The following IGLON5 variants were observed in gnomAD, a reference collection of about 807,000 sequenced individuals.
IGLON5 encodes the protein IgLON family member 5.
In IGLON5, 16 loss-of-function variants were observed where a neutral mutation model predicts 38.2. The observed-to-expected ratio is 0.42, with a 90% CI of 0.28 to 0.64. IGLON5 has a LOEUF of 0.64. IGLON5 is among the 30% of genes least tolerant of loss of function. The pLI is 0.23. For synonymous variants in IGLON5, 207 were observed against 216.4 expected, an observed-to-expected ratio of 0.96 and a Z score of 0.38; for missense variants, 366 against 483.4, an observed-to-expected ratio of 0.76 and a Z score of 2.28.
At chr19:51,319,738 G>T (rs902726783) in intron 1 of IGLON5, among the ~76,000 whole-genome samples, 1 of 152,160 alleles carries the variant, frequency 6.6e-6, no homozygotes, top group Non-Finnish European at 1.5e-5. Context: ...CTTTCCAGCT[G>T]ACCTGCTGCT....
chr19:51,328,518 A>G (rs1599829207), intron 7 of IGLON5, among the ~76,000 whole-genome samples, 153 bp from the exon 8 acceptor site: 3 of 151,744 alleles, frequency 2.0e-5, no homozygotes, highest in Middle Eastern at 3.4e-3. Context: ...AAAAAAAAAA[A>G]AAAAGAAACA....
Position 51,311,943 on chromosome 19 carries a change from G to A in IGLON5, c.79+17G>A. 2 of 1,298,570 alleles carry A rather than the reference G, an allele frequency of 1.5e-6. No individual in the cohort carries two copies. The highest frequency in any genetic ancestry group is 2.0e-6 in the Non-Finnish European group (2 of 1,020,832). 80.4% of individuals were successfully genotyped at this position (1,298,570 alleles called of 1,614,324 possible). ...TCAGCCGAGGTACCGCAGCGCCGGG[G>A]GCGGGGGGCTCGGCCGGGACGCCAG... On this transcript the variant is annotated intron_variant, in intron 1 of 7. Coordinates refer to ENST00000270642, the MANE Select transcript of IGLON5 (RefSeq NM_001101372.3).
chr19:51,322,047 AC>A lies in IGLON5; in HGVS notation c.80-12del. The A allele has an allele frequency of 6.2e-7, 1 of 1,611,386 alleles. No individual in the cohort carries two copies. On this transcript the variant is annotated splice_polypyrimidine_tract_variant and intron_variant, in intron 1 of 7. Coordinates refer to ENST00000270642, the MANE Select transcript of IGLON5 (RefSeq NM_001101372.3). Reference sequence around the variant, plus strand: ...TTGCCTGAGCTGCCAAGGCTGAGCCACCCCCACCTTCCACAGGGCTGCTCTC... The same window carrying A: ...TTGCCTGAGCTGCCAAGGCTGAGCCACCCCACCTTCCACAGGGCTGCTCTC...
Position 51,327,847 on chromosome 19 carries a change from A to C in IGLON5, c.883A>C (p.Asn295His). The C allele has an allele frequency of 6.5e-7, 1 of 1,545,460 alleles. No individual in the cohort carries two copies. ...HYGNYTCRAA[N>H]RLGASSASMR... is the part of the protein sequence containing the mutation. The stretch of plus-strand genomic sequence containing the variant: ...CGGCAACTATACGTGTCGCGCCGCC[A>C]ACCGACTGGGAGCGTCCAGCGCCTC... Residue 295 changes from asparagine to histidine, a missense_variant, in exon 7 of 8, where the codon AAC becomes CAC. Physicochemically the swap from Asn to His is moderately conservative, Grantham distance 68. Transcript: ENST00000270642. The surrounding 1 kb of genome is among the most constrained non-coding windows in gnomAD (Gnocchi z 7.1).
In IGLON5 at chr19:51,325,870, C is replaced by T. The variant is rs1327893755; in HGVS notation, c.511+405C>T. On this transcript the variant is annotated intron_variant, in intron 4 of 7. Coordinates refer to ENST00000270642, the MANE Select transcript of IGLON5 (RefSeq NM_001101372.3). This position sits in a 1 kb window ranked among gnomAD's most constrained non-coding sequence, Gnocchi z 5.5. The stretch of plus-strand genomic sequence containing the variant: ...CTCTCTTCTGCTGGACGCTCTAGCC[C>T]AGCGGGCCTCATGGTGTGGGCCCCA... Among the ~76,000 whole-genome samples, 3 of 152,122 alleles carry T rather than the reference C, an allele frequency of 2.0e-5. No individual in the cohort carries two copies. The highest frequency in any genetic ancestry group is 7.2e-5 in the African/African-American group (3 of 41,410).
At position 51,328,861 on chromosome 19, in the gene IGLON5, T is replaced by C; in HGVS notation, c.*102T>C. 1.5e-6 allele frequency: 1 copy of C among 688,668 alleles called. No individual in the cohort carries two copies. Among genetic ancestry groups the C allele is most frequent in the Non-Finnish European group, 2.3e-6 (1 of 425,982 alleles). The allele number at this position is 688,668 out of a possible 1,614,324, so 42.7% of individuals were successfully genotyped here. On this transcript the variant is annotated 3_prime_UTR_variant, in exon 8 of 8. Transcript: ENST00000270642. ...GTGGGTCTCGTGGGGGCAGAAGAGC[T>C]CTCGGCCACCAAGGAAGAAGAGAGA...
chr19:51,325,079 G>A lies in IGLON5; in HGVS notation c.392-267G>A, dbSNP rs1985178529. Among the ~76,000 whole-genome samples the A allele has an allele frequency of 1.3e-5, 2 of 152,124 alleles. No homozygotes were observed. Among genetic ancestry groups the A allele is most frequent in the Admixed American group, 1.3e-4 (2 of 15,272 alleles). ...AAGACCAGCAATTAGACAAGAAGAT[G>A]CCAGGCCCAGACAGAGGTTTCAGAG... is the stretch of plus-strand genomic sequence containing the variant. On this transcript the variant is annotated intron_variant, in intron 3 of 7. Coordinates refer to ENST00000270642, the MANE Select transcript of IGLON5 (RefSeq NM_001101372.3). The surrounding 1 kb of genome is among the most constrained non-coding windows in gnomAD (Gnocchi z 5.5).
rs896510669 is a variant in IGLON5 at position 51,330,450 on chromosome 19, C to T, written c.*1691C>T. On this transcript the variant is annotated 3_prime_UTR_variant, in exon 8 of 8. Transcript: ENST00000270642. ...GGTGCCTCTCCAGCATCATTCCTACCGCCTACTTTCTCACTGGTAGACTTG... is the reference window on the plus strand; with the variant it reads ...GGTGCCTCTCCAGCATCATTCCTACTGCCTACTTTCTCACTGGTAGACTTG... The T allele has an allele frequency of 6.6e-6, 1 of 152,196 alleles. No homozygotes were observed. The highest frequency in any genetic ancestry group is 1.5e-5 in the Non-Finnish European group (1 of 68,028). 9.4% of individuals were successfully genotyped at this position (152,196 alleles called of 1,614,324 possible). A position where few individuals can be genotyped will look rare whatever the true frequency, so the allele number is the denominator to read the frequency against.
intron 1 of IGLON5, among the ~76,000 whole-genome samples, chr19:51,316,516 C>T (rs113199283): frequency 0.02 from 2,728 of 136,928 alleles, 81 homozygotes; most frequent in African/African-American, 0.069. Context: ...TTTTTTAAGA[C>T]GGAGTCTCGC....
intron 1 of IGLON5, among the ~76,000 whole-genome samples, chr19:51,319,368 C>G (rs1358594980): frequency 6.6e-6 from 1 of 151,238 alleles, no homozygotes; most frequent in Non-Finnish European, 1.5e-5. Context: ...GACAACATGA[C>G]CTGATTCTCG....
chr19:51,323,757 T>C lies in IGLON5; in HGVS notation c.254T>C (p.Val85Ala). 6.2e-7 allele frequency: 1 copy of C among 1,613,742 alleles called. No homozygotes were observed. The highest frequency in any genetic ancestry group is 8.5e-7 in the Non-Finnish European group (1 of 1,179,854). The change falls in exon 3 of 8, where the codon GTG becomes GCG. Residue 85 changes from valine to alanine, a missense_variant. Physicochemically the swap from Val to Ala is moderately conservative, Grantham distance 64. Coordinates refer to ENST00000270642, the MANE Select transcript of IGLON5 (RefSeq NM_001101372.3). Reference sequence around the variant, plus strand: ...GACCGCTGGACCAGCGACCCGCGGGTGCGGCTGCTCATCAACACCCCCGAG... The same window carrying C: ...GACCGCTGGACCAGCGACCCGCGGGCGCGGCTGCTCATCAACACCCCCGAG... Reference protein sequence around the residue: ...GNDRWTSDPRVRLLINTPEEF... With the variant: ...GNDRWTSDPRARLLINTPEEF...
chr19:51,316,467 T>G (rs755568679), intron 1 of IGLON5, among the ~76,000 whole-genome samples: 4 of 151,642 alleles, frequency 2.6e-5, no homozygotes, highest in South Asian at 2.1e-4. Flanking sequence ...TTTTTTCTTT[T>G]TTTTTCTTTG....
chr19:51,326,428 A>G (rs1985216364), intron 4 of IGLON5, among the ~76,000 whole-genome samples: 1 of 152,116 alleles, frequency 6.6e-6, no homozygotes, highest in Admixed American at 6.5e-5. Flanking sequence ...TCTGAGACCT[A>G]ACATCCTGGG....
rs888404515 is a variant in IGLON5, at chr19:51,325,822, C to G, written c.511+357C>G. 6.9e-6 allele frequency among the ~76,000 whole-genome samples: 1 copy of G among 144,826 alleles called. No homozygotes were observed. The highest frequency in any genetic ancestry group is 1.5e-5 in the Non-Finnish European group (1 of 66,692). ...GGTGCCCTAAGCCAGGCTGCACCAG[C>G]GGTCCTGCGTACATCTCTGCCTCTC... On this transcript the variant is annotated intron_variant, in intron 4 of 7. Coordinates refer to ENST00000270642, the MANE Select transcript of IGLON5 (RefSeq NM_001101372.3). This position sits in a 1 kb window ranked among gnomAD's most constrained non-coding sequence, Gnocchi z 5.5.
intron 1 of IGLON5, among the ~76,000 whole-genome samples, chr19:51,316,310 A>G (rs1322188304): frequency 6.8e-6 from 1 of 146,010 alleles, no homozygotes; most frequent in East Asian, 2.1e-4. Flanking sequence ...GTGCCACTGC[A>G]TTCCAGCCTG....
chr19:51,319,437 G>A (rs1985002420), intron 1 of IGLON5, among the ~76,000 whole-genome samples: 2 of 152,204 alleles, frequency 1.3e-5, no homozygotes, highest in East Asian at 1.9e-4. Flanking sequence ...CTTGTTACAC[G>A]GGTTGTAGCT....
rs1293251266 is a variant in IGLON5 at position 51,323,541 on chromosome 19, CT to C, written c.159-120del. On this transcript the variant is annotated intron_variant, in intron 2 of 7. Transcript: ENST00000270642. The stretch of plus-strand genomic sequence containing the variant: ...GTATGGTGGGCACAGCAGCATCCGC[CT>C]CACAGGGCTGTGGTGGGACCTGGAG... 228 of 783,104 alleles carry C rather than the reference CT, an allele frequency of 2.9e-4. No homozygotes were observed. The African/African-American group carries it at 3.6e-3, about 12-fold the overall frequency. 48.5% of individuals were successfully genotyped at this position (783,104 alleles called of 1,614,324 possible). A position where few individuals can be genotyped will look rare whatever the true frequency, so the allele number is the denominator to read the frequency against.
chr19:51,323,804 G>A lies in IGLON5; in HGVS notation c.301G>A (p.Glu101Lys), dbSNP rs747283598. The A allele has an allele frequency of 1.6e-5, 26 of 1,613,670 alleles. No individual in the cohort carries two copies. In the East Asian group the frequency reaches 3.3e-4, roughly 21 times the overall value. ...TPEEFSILIT[E>K]VGLGDEGLYT... ...CGAGGAGTTCTCCATCCTCATCACC[G>A]AGGTGGGGCTCGGCGACGAGGGCCT... Residue 101 changes from glutamate to lysine, a missense_variant, in exon 3 of 8, where the codon GAG becomes AAG. Coordinates refer to ENST00000270642, the MANE Select transcript of IGLON5 (RefSeq NM_001101372.3).
rs1229876567 is a variant in IGLON5 at position 51,311,878 on chromosome 19, C to T, written c.31C>T (p.Arg11Trp). 8 of 1,357,618 alleles carry T rather than the reference C, an allele frequency of 5.9e-6. No individual in the cohort carries two copies. Among genetic ancestry groups the T allele is most frequent in the African/African-American group, 4.6e-5 (3 of 65,672 alleles). The allele number at this position is 1,357,618 out of a possible 1,614,324, so 84.1% of individuals were successfully genotyped here. A position where few individuals can be genotyped will look rare whatever the true frequency, so the allele number is the denominator to read the frequency against. MPPPAPGARLRLLAAAALAGL... is the reference protein window; with the variant it reads MPPPAPGARLWLLAAAALAGL... ...CCCCCCTGCGCCCGGGGCCCGGCTCCGGCTTCTCGCCGCCGCCGCCCTGGC... is the reference window on the plus strand; with the variant it reads ...CCCCCCTGCGCCCGGGGCCCGGCTCTGGCTTCTCGCCGCCGCCGCCCTGGC... Residue 11 changes from arginine to tryptophan, a missense_variant, in exon 1 of 8, where the codon CGG becomes TGG. Transcript: ENST00000270642.
Sources: allele counts gnomAD v4.1 joint callset (sites outside exome capture counted in the v4.1 genomes callset), GRCh38; gene constraint gnomAD v4.1.1; non-coding constraint Gnocchi (gnomAD v3.1); transcripts MANE v1.5; gene names NCBI Gene and HGNC (gene_info 2026-07-23, HGNC 2026-07-21).